HELZ: variants seen among roughly 807,000 people sequenced by gnomAD.
HELZ encodes ATP-dependent RNA helicase with zinc finger domain.
HELZ carries 23 observed loss-of-function variants against 218.2 expected under a neutral mutation model. The ratio of observed to expected loss-of-function variants is 0.11; its 90% CI spans 0.08 to 0.15. HELZ has a LOEUF of 0.15. HELZ is among the 10% of genes least tolerant of loss of function. The pLI is 1.00. For synonymous variants in HELZ, 814 were observed against 829.4 expected, an observed-to-expected ratio of 0.98 and a Z score of 0.32; for missense variants, 1,813 against 2,353.7, an observed-to-expected ratio of 0.77 and a Z score of 4.75.
chr17:67,117,555 T>C (rs2143804222), intron 27 of HELZ, among the ~76,000 whole-genome samples: 1 of 151,418 alleles, frequency 6.6e-6, no homozygotes, highest in East Asian at 1.9e-4. Flanking sequence ...CTGAAAACTT[T>C]TTTTTTTTTT....
At chr17:67,211,878 A>G (rs2040460155) in intron 5 of HELZ, among the ~76,000 whole-genome samples, 1 of 151,782 alleles carries the variant, frequency 6.6e-6, no homozygotes, top group Admixed American at 6.6e-5. Flanking sequence ...AGAAAAGGGG[A>G]AGGGAAGGGG....
At chr17:67,093,022 A>C (rs2036621416) in intron 31 of HELZ, among the ~76,000 whole-genome samples, 1 of 152,218 alleles carries the variant, frequency 6.6e-6, no homozygotes, top group African/African-American at 2.4e-5. Flanking sequence ...TCTCCAGCAT[A>C]AAAGATAGTC....
At chr17:67,106,098 T>G (rs1367034891) in intron 31 of HELZ, among the ~76,000 whole-genome samples, 2 of 152,136 alleles carry the variant, frequency 1.3e-5, no homozygotes, top group African/African-American at 4.8e-5. Flanking sequence ...TTATCCTGAT[T>G]TAAGATGTCT....
chr17:67,160,907 G>C lies in HELZ; in HGVS notation c.2065C>G (p.Gln689Glu). The change falls in exon 16 of 33, where the codon CAG (glutamine) becomes GAG (glutamate). Residue 689 changes from glutamine (Q) to glutamate (E), a missense_variant. Transcript: ENST00000358691. ...AQAVKHILQQ[Q>E]ETRILICTHS... ...TTCCCACCCTCTCACCTAGTCTCCT[G>C]TTGCTGCAGAATATGTTTGACAGCC... The C allele has an allele frequency of 6.2e-7, 1 of 1,603,202 alleles. No individual in the cohort carries two copies.
chr17:67,101,894 T>C (rs1447449006), intron 31 of HELZ, among the ~76,000 whole-genome samples: 1 of 152,202 alleles, frequency 6.6e-6, no homozygotes, highest in East Asian at 1.9e-4. Context: ...ATTGGAGCAA[T>C]TTATCAATCT....
intron 27 of HELZ, among the ~76,000 whole-genome samples, chr17:67,116,197 A>G (rs987284292): frequency 3.3e-5 from 5 of 152,010 alleles, no homozygotes; most frequent in African/African-American, 1.2e-4. Flanking sequence ...CAATGGAGAC[A>G]AAAAGGAGTC....
At chr17:67,195,336 C>T (rs2039995177) in intron 8 of HELZ, 83 bp downstream of exon 8, 1 of 815,172 alleles carries the variant, frequency 1.2e-6, no homozygotes, top group South Asian at 1.5e-5. Context: ...TGTACTGTAA[C>T]TCAGTAAATT....
In HELZ at chr17:67,109,555, G is replaced by A. The variant is rs767925397; in HGVS notation, c.4050C>T (p.His1350=). Residue 1350 remains histidine (H), a synonymous_variant, in exon 29 of 33, where the codon CAC becomes CAT. Transcript: ENST00000358691. ...GGCGATTAGGGATTGCATACTGTGC[G>A]TGGGGAGCAGGAAGGGGAAGATTTA... is the stretch of plus-strand genomic sequence containing the variant. ...RHINLPLPAP[H]AQYAIPNRHF... 79 of 1,614,104 alleles carry A rather than the reference G, an allele frequency of 4.9e-5. No homozygotes were observed. Among genetic ancestry groups the A allele is most frequent in the East Asian group, 4.0e-4 (18 of 44,904 alleles).
chr17:67,211,290 G>C (rs1472339801), intron 5 of HELZ, among the ~76,000 whole-genome samples: 1 of 151,970 alleles, frequency 6.6e-6, no homozygotes, highest in Admixed American at 6.6e-5. Flanking sequence ...TTATGGACTG[G>C]ACTTTAGATA....
chr17:67,182,464 G>C (rs1001166474), intron 12 of HELZ, among the ~76,000 whole-genome samples: 11 of 152,046 alleles, frequency 7.2e-5, no homozygotes, highest in African/African-American at 2.7e-4. Flanking sequence ...AGAAAGATGA[G>C]AAGTGAGCAG....
intron 3 of HELZ, among the ~76,000 whole-genome samples, chr17:67,232,214 G>A (rs2041057268): frequency 6.6e-6 from 1 of 151,682 alleles, no homozygotes; most frequent in Admixed American, 6.6e-5. Flanking sequence ...CACAATCTCA[G>A]CTCACTGCAA....
In HELZ at chr17:67,193,669, T is replaced by C. The variant is rs532016877; in HGVS notation, c.557+298A>G. ...AGGCAGAGGTTGCCGTGAGCCAAGATTGTGCCACTGCATTCTAGCCTGGGC... is the reference window on the plus strand; with the variant it reads ...AGGCAGAGGTTGCCGTGAGCCAAGACTGTGCCACTGCATTCTAGCCTGGGC... On this transcript the variant is annotated intron_variant, in intron 9 of 32. Transcript: ENST00000358691. 3.3e-5 allele frequency among the ~76,000 whole-genome samples: 5 copies of C among 152,254 alleles called. No individual in the cohort carries two copies. The East Asian group carries it at 7.7e-4, about 24-fold the overall frequency.
intron 24 of HELZ, 57 bp downstream of exon 24, chr17:67,128,594 C>A (rs1281924441): frequency 4.9e-6 from 7 of 1,441,730 alleles, no homozygotes; most frequent in Non-Finnish European, 6.8e-6. Flanking sequence ...AAACCTTTGG[C>A]ACTTCTGCGA....
chr17:67,081,714 A>G (rs958650550), intron 32 of HELZ, among the ~76,000 whole-genome samples: 3 of 151,964 alleles, frequency 2.0e-5, no homozygotes, highest in Non-Finnish European at 4.4e-5. Context: ...CCTTGTGTTC[A>G]TGTCTAGAAG....
In HELZ at chr17:67,071,195, T is replaced by A. The variant is rs1567772516; in HGVS notation, c.*7057A>T. The A allele has an allele frequency of 6.6e-6, 1 of 152,612 alleles. No homozygotes were observed. 9.5% of individuals were successfully genotyped at this position (152,612 alleles called of 1,614,324 possible). On this transcript the variant is annotated 3_prime_UTR_variant, in exon 33 of 33. Transcript: ENST00000358691. ...GTACAATGTCATATACATGGATTTA[T>A]AGGAAGCAGGCATGGTCTGGATTTA...
intron 2 of HELZ, among the ~76,000 whole-genome samples, chr17:67,242,265 A>G (rs907780057): frequency 1.3e-5 from 2 of 152,088 alleles, no homozygotes; most frequent in Non-Finnish European, 2.9e-5. Flanking sequence ...AAAATACAAA[A>G]TTAGCCGGGT....
chr17:67,193,885 A>C (rs1161522522), intron 9 of HELZ, 82 bp downstream of exon 9: 1 of 995,572 alleles, frequency 1.0e-6, no homozygotes, highest in Non-Finnish European at 1.6e-6. Context: ...AAAATAAACC[A>C]TTTTACTCCA....
At chr17:67,234,060 AGAG>A (rs1463918686) in intron 3 of HELZ, among the ~76,000 whole-genome samples, 33 of 128,318 alleles carry the variant, frequency 2.6e-4, no homozygotes, top group Admixed American at 1.5e-3. Context: ...AAAAAAAAAA[AGAG>A]AGAGAGAGAG....
intron 19 of HELZ, among the ~76,000 whole-genome samples, chr17:67,149,101 G>A (rs1477468192): frequency 2.6e-5 from 4 of 152,128 alleles, no homozygotes; most frequent in Non-Finnish European, 5.9e-5. Context: ...AGGACATACA[G>A]CCTACCACTA....
Sources: gnomAD v4.1 joint callset for allele counts (sites outside exome capture counted in the v4.1 genomes callset) on GRCh38, gnomAD v4.1.1 for gene constraint, MANE v1.5 for transcripts, NCBI Gene and HGNC (gene_info 2026-07-23, HGNC 2026-07-21) for gene names.